SGCZ: variants seen among roughly 807,000 people sequenced by gnomAD.
The protein encoded by SGCZ is zeta-sarcoglycan.
A neutral mutation model predicts 41.3 loss-of-function variants in SGCZ; 40 were observed. That is an observed-to-expected ratio of 0.97 (90% CI 0.75 to 1.26). The LOEUF (loss-of-function observed/expected upper bound fraction) is 1.26. Ranked by LOEUF, SGCZ falls within the 50% of genes most tolerant of loss-of-function variation. SGCZ has a pLI of 0.00. For synonymous variants in SGCZ, 206 were observed against 137.5 expected, an observed-to-expected ratio of 1.50 and a Z score of -3.49; for missense variants, 552 against 369.8, an observed-to-expected ratio of 1.49 and a Z score of -4.04.
intron 2 of SGCZ, among the ~76,000 whole-genome samples, chr8:14,516,676 A>C (rs10106919): frequency 1.3e-5 from 2 of 151,926 alleles, no homozygotes; most frequent in Non-Finnish European, 2.9e-5. Context: ...ATTTGCTCTA[A>C]CTGTTTTTCA....
chr8:14,407,972 A>G (rs1464967563), intron 2 of SGCZ, among the ~76,000 whole-genome samples: 1 of 152,204 alleles, frequency 6.6e-6, no homozygotes, highest in Non-Finnish European at 1.5e-5. Flanking sequence ...TATATATCAT[A>G]CGGAGAGATA....
intron 3 of SGCZ, among the ~76,000 whole-genome samples, chr8:14,277,658 T>C (rs1290419589): frequency 6.6e-6 from 1 of 152,144 alleles, no homozygotes; most frequent in Non-Finnish European, 1.5e-5. Context: ...CCCTGAAGTA[T>C]GGTGTTCTGG....
intron 4 of SGCZ, among the ~76,000 whole-genome samples, chr8:14,228,773 C>T (rs938307512): frequency 1.3e-5 from 2 of 152,034 alleles, no homozygotes; most frequent in East Asian, 3.9e-4. Context: ...ACTAGAATTA[C>T]TTTAACAACT....
intron 4 of SGCZ, among the ~76,000 whole-genome samples, chr8:14,202,206 T>C (rs1563182829): frequency 6.6e-6 from 1 of 152,242 alleles, no homozygotes; most frequent in Non-Finnish European, 1.5e-5. Flanking sequence ...AAACGACTCA[T>C]CCAGCCATTG....
intron 2 of SGCZ, among the ~76,000 whole-genome samples, chr8:14,535,511 T>C (rs1311494118): frequency 6.6e-6 from 1 of 151,968 alleles, no homozygotes; most frequent in Non-Finnish European, 1.5e-5. Context: ...ACACAAGCTG[T>C]AATTAAAATT....
At chr8:14,631,146 A>G (rs1806638230) in intron 1 of SGCZ, among the ~76,000 whole-genome samples, 3 of 152,036 alleles carry the variant, frequency 2.0e-5, no homozygotes, top group Admixed American at 6.6e-5. Flanking sequence ...AGTACTATTC[A>G]TTGCGCCACT....
chr8:14,371,590 C>T (rs1037390461), intron 2 of SGCZ, among the ~76,000 whole-genome samples: 2 of 152,022 alleles, frequency 1.3e-5, no homozygotes, highest in African/African-American at 4.8e-5. Context: ...AGTCATCTTT[C>T]CCCAGGGGTA....
At chr8:14,275,553 G>C (rs1006660230) in intron 3 of SGCZ, among the ~76,000 whole-genome samples, 2 of 152,064 alleles carry the variant, frequency 1.3e-5, no homozygotes, top group Non-Finnish European at 2.9e-5. Context: ...TGCCATGTCA[G>C]ATGTGTCAGG....
At chr8:14,451,494 G>C (rs528172604) in intron 2 of SGCZ, among the ~76,000 whole-genome samples, 4 of 152,052 alleles carry the variant, frequency 2.6e-5, no homozygotes, top group Admixed American at 6.6e-5. Context: ...ATGTGGAACC[G>C]AATAATGATG....
intron 5 of SGCZ, among the ~76,000 whole-genome samples, chr8:14,138,245 A>G (rs1287577333): frequency 6.6e-6 from 1 of 152,226 alleles, no homozygotes; most frequent in African/African-American, 2.4e-5. Context: ...TGTAAAGACC[A>G]TCGAGGCTAG....
chr8:15,190,245 C>T (rs1488310832), intron 1 of SGCZ, among the ~76,000 whole-genome samples: 3 of 152,134 alleles, frequency 2.0e-5, no homozygotes, highest in Non-Finnish European at 4.4e-5. Flanking sequence ...TTAAGTAACC[C>T]TGATATCAGA....
intron 1 of SGCZ, among the ~76,000 whole-genome samples, chr8:15,167,795 G>C (rs939622587): frequency 4.6e-5 from 7 of 152,118 alleles, no homozygotes; most frequent in African/African-American, 1.2e-4. Context: ...GGCTAACCCT[G>C]CTTGTTCCTG....
intron 1 of SGCZ, among the ~76,000 whole-genome samples, chr8:15,173,922 C>A (rs1488192032): frequency 6.6e-6 from 1 of 152,102 alleles, no homozygotes; most frequent in African/African-American, 2.4e-5. Flanking sequence ...GAGGCAAAGT[C>A]TCACTACATT....
intron 2 of SGCZ, among the ~76,000 whole-genome samples, chr8:14,401,772 G>A (rs924375175): frequency 1.3e-5 from 2 of 150,998 alleles, no homozygotes; most frequent in Non-Finnish European, 2.9e-5. Flanking sequence ...CTTCATAGCA[G>A]CATGATTTAT....
intron 1 of SGCZ, among the ~76,000 whole-genome samples, chr8:15,125,845 A>G (rs1393692420): frequency 6.6e-6 from 1 of 152,174 alleles, no homozygotes. Flanking sequence ...GCTTCAGCAC[A>G]TGGTAAAGAA....
rs964625487 is a variant in SGCZ at position 14,567,463 on chromosome 8, G to T, written c.40-12537C>A. On this transcript the variant is annotated intron_variant, in intron 1 of 7. Transcript: ENST00000382080. ...GGAGAACTTTTGTGTCTGGCTCAGG[G>T]ATTGTAAACGCACCAATCAGCACCC... is the stretch of plus-strand genomic sequence containing the variant. Among the ~76,000 whole-genome samples the T allele has an allele frequency of 2.0e-5, 3 of 152,272 alleles. No homozygotes were observed. The East Asian group carries it at 5.8e-4, about 29-fold the overall frequency.
chr8:14,377,504 T>A (rs1804177292), intron 2 of SGCZ, among the ~76,000 whole-genome samples: 1 of 152,092 alleles, frequency 6.6e-6, no homozygotes, highest in Admixed American at 6.6e-5. Flanking sequence ...TTTTTTTTAT[T>A]ATTTTTATTT....
intron 1 of SGCZ, among the ~76,000 whole-genome samples, chr8:14,714,309 C>T (rs1243104361): frequency 6.6e-6 from 1 of 152,060 alleles, no homozygotes; most frequent in Non-Finnish European, 1.5e-5. Context: ...ATGAAACAAA[C>T]TTTTAAAAGT....
At chr8:15,148,460 G>A (rs1342127533) in intron 1 of SGCZ, among the ~76,000 whole-genome samples, 2 of 152,142 alleles carry the variant, frequency 1.3e-5, no homozygotes, top group Non-Finnish European at 2.9e-5. Flanking sequence ...ATTATAGCAT[G>A]ACTACACTAC....
Sources: gnomAD v4.1 joint callset for allele counts (sites outside exome capture counted in the v4.1 genomes callset) on GRCh38, gnomAD v4.1.1 for gene constraint, MANE v1.5 for transcripts, NCBI Gene and HGNC (gene_info 2026-07-23, HGNC 2026-07-21) for gene names.